NRL: variants seen among roughly 807,000 people sequenced by gnomAD.
NRL encodes the protein neural retina-specific leucine zipper protein.
A neutral mutation model predicts 12.5 loss-of-function variants in NRL; 16 were observed. The observed-to-expected ratio is 1.28, with a 90% CI of 0.87 to 1.95. The LOEUF (loss-of-function observed/expected upper bound fraction) is 1.95. NRL is among the 30% of genes most tolerant of loss of function. The probability of loss-of-function intolerance (pLI) is 0.00; values close to 1 mark genes in which losing one functional copy is unlikely to be tolerated. For synonymous variants in NRL, 142 were observed against 150.9 expected, an observed-to-expected ratio of 0.94 and a Z score of 0.43; for missense variants, 314 against 325.8, an observed-to-expected ratio of 0.96 and a Z score of 0.28.
At chr14:24,088,200 C>G (rs2036511938) in intron 1 of NRL, among the ~76,000 whole-genome samples, 1 of 152,224 alleles carries the variant, frequency 6.6e-6, no homozygotes, top group Admixed American at 6.5e-5. Flanking sequence ...GGACCACACT[C>G]CAGATAGCTA....
At chr14:24,089,509 G>C (rs879743065) in intron 1 of NRL, among the ~76,000 whole-genome samples, 1 of 152,176 alleles carries the variant, frequency 6.6e-6, no homozygotes, top group Non-Finnish European at 1.5e-5. Context: ...GCCTCCCAAA[G>C]TGCTGGGATT....
At chr14:24,111,528 C>G (rs1020704247) in intron 1 of NRL, among the ~76,000 whole-genome samples, 1 of 149,664 alleles carries the variant, frequency 6.7e-6, no homozygotes, top group Non-Finnish European at 1.5e-5. Context: ...CGCATGCCAC[C>G]ACACTCGGCT....
rs139733386 is a variant in NRL, at chr14:24,103,782, G to A, written c.-28+10940C>T. ...CATTGGGCTGGTGCCAAAGGAAGGA[G>A]CCTTGGATCTCAGCGGCCTCAGAGC... On this transcript the variant is annotated intron_variant, in intron 1 of 2. Transcript: ENST00000561028. 1,114 of 1,614,178 alleles carry A rather than the reference G, an allele frequency of 6.9e-4. 8 individuals are homozygous for A. Among genetic ancestry groups the A allele is most frequent in the Middle Eastern group, 3.3e-4 (2 of 6,062 alleles).
At position 24,080,101 on chromosome 14, in the gene NRL, C is replaced by G. The variant is rs1367564177; in HGVS notation, c.*1135G>C. On this transcript the variant is annotated 3_prime_UTR_variant, in exon 3 of 3. Coordinates refer to ENST00000561028, the MANE Select transcript of NRL (RefSeq NM_001354768.3). Reference sequence around the variant, plus strand: ...CAGACACACAAACAGTAGCCTGAAGCAGGGATAAAGAATGAACACTTCTTA... The same window carrying G: ...CAGACACACAAACAGTAGCCTGAAGGAGGGATAAAGAATGAACACTTCTTA... The G allele has an allele frequency of 6.6e-6, 1 of 152,252 alleles. No individual in the cohort carries two copies. The highest frequency in any genetic ancestry group is 1.5e-5 in the Non-Finnish European group (1 of 68,052). 9.4% of individuals were successfully genotyped at this position (152,252 alleles called of 1,614,324 possible). A position where few individuals can be genotyped will look rare whatever the true frequency, so the allele number is the denominator to read the frequency against.
intron 1 of NRL, among the ~76,000 whole-genome samples, chr14:24,084,269 T>A (rs771070347): frequency 2.6e-5 from 4 of 152,012 alleles, no homozygotes; most frequent in Admixed American, 6.6e-5. Context: ...AGGAACTGGG[T>A]CTTGGCAGAA....
chr14:24,108,718 T>A (rs1422017184), intron 1 of NRL, among the ~76,000 whole-genome samples: 3 of 151,818 alleles, frequency 2.0e-5, no homozygotes, highest in South Asian at 2.1e-4. Context: ...GACATGAGAG[T>A]ATTAGAACAT....
chr14:24,111,135 G>A (rs929345298), intron 1 of NRL, among the ~76,000 whole-genome samples: 3 of 151,986 alleles, frequency 2.0e-5, no homozygotes, highest in East Asian at 1.9e-4. Context: ...CACGCGCCAC[G>A]ATGGCCGGCT....
chr14:24,099,841 A>T (rs753234641), intron 1 of NRL: 3 of 1,527,742 alleles, frequency 2.0e-6, no homozygotes, highest in Non-Finnish European at 2.7e-6. Context: ...ACCCTGCTCC[A>T]TTCCTCTGGC....
intron 1 of NRL, 99 bp from the exon 2 acceptor site, chr14:24,082,974 G>A: frequency 1.6e-6 from 2 of 1,214,774 alleles, no homozygotes; most frequent in Non-Finnish European, 2.3e-6. Context: ...CCTGGAGCAA[G>A]AGTTTGGGAA....
At position 24,094,401 on chromosome 14, in the gene NRL, G is replaced by A; in HGVS notation, c.-27-11526C>T. The A allele has an allele frequency of 6.4e-7, 1 of 1,557,302 alleles. No individual in the cohort carries two copies. The highest frequency in any genetic ancestry group is 8.7e-7 in the Non-Finnish European group (1 of 1,155,984). ...TGGCCACCCCGCAGCCCCTGCCCAG[G>A]TGCCATGGCCGCATTGTACCGCCCT... is the stretch of plus-strand genomic sequence containing the variant. On this transcript the variant is annotated intron_variant, in intron 1 of 2. Coordinates refer to ENST00000561028, the MANE Select transcript of NRL (RefSeq NM_001354768.3). The surrounding 1 kb of genome is among the most constrained non-coding windows in gnomAD (Gnocchi z 4.1).
intron 1 of NRL, among the ~76,000 whole-genome samples, chr14:24,101,543 G>C (rs921258042): frequency 6.6e-6 from 1 of 152,202 alleles, no homozygotes; most frequent in African/African-American, 2.4e-5. Context: ...CTACCCATGT[G>C]ATATCCCTAT....
chr14:24,111,023 C>T (rs2037410108), intron 1 of NRL, among the ~76,000 whole-genome samples: 2 of 152,230 alleles, frequency 1.3e-5, no homozygotes, highest in African/African-American at 4.8e-5. Context: ...AGCTCTATCC[C>T]CAGGCTGGAG....
At chr14:24,104,071 G>A (rs947642732) in intron 1 of NRL, 2 of 709,792 alleles carry the variant, frequency 2.8e-6, no homozygotes, top group Middle Eastern at 4.8e-4. Context: ...TCTTCAATGT[G>A]CCATAGACCT....
chr14:24,095,348 G>C lies in NRL; in HGVS notation c.-27-12473C>G, dbSNP rs1005714685. The C allele has an allele frequency of 9.8e-5, 41 of 416,262 alleles. 1 individual carries two copies. The highest frequency in any genetic ancestry group is 7.3e-4 in the African/African-American group (36 of 49,052). The allele number at this position is 416,262 out of a possible 1,614,324, so 25.8% of individuals were successfully genotyped here. On this transcript the variant is annotated intron_variant, in intron 1 of 2. Coordinates refer to ENST00000561028, the MANE Select transcript of NRL (RefSeq NM_001354768.3). ...GTGCTTGAAAACTGATGCTCACGGAGAACTTCCCTCTGAGGCAGGAACAGA... is the reference window on the plus strand; with the variant it reads ...GTGCTTGAAAACTGATGCTCACGGACAACTTCCCTCTGAGGCAGGAACAGA...
intron 1 of NRL, among the ~76,000 whole-genome samples, chr14:24,089,626 T>C (rs2036561995): frequency 6.6e-6 from 1 of 152,184 alleles, no homozygotes; most frequent in South Asian, 2.1e-4. Flanking sequence ...TAGAGATGTG[T>C]CTACATAAAA....
At chr14:24,084,532 C>T (rs376051920) in intron 1 of NRL, 4 of 985,250 alleles carry the variant, frequency 4.1e-6, no homozygotes, top group East Asian at 1.1e-4. Context: ...CAGAAATGGC[C>T]GAGAGGATGT....
At chr14:24,091,141 G>A (rs2138902676) in intron 1 of NRL, among the ~76,000 whole-genome samples, 1 of 151,702 alleles carries the variant, frequency 6.6e-6, no homozygotes, top group East Asian at 1.9e-4. Context: ...GTGTGTGTGT[G>A]TGTGTGTGTG....
Position 24,103,833 on chromosome 14 carries a change from C to A in NRL, c.-28+10889G>T, listed in dbSNP as rs747111120. 2 of 1,614,010 alleles carry A rather than the reference C, an allele frequency of 1.2e-6. No homozygotes were observed. The highest frequency in any genetic ancestry group is 3.3e-5 in the Admixed American group (2 of 59,996). ...TATAGACACCACTCAGCTGTTCTCC[C>A]TCCCCAAGGACTTCTGGGAACAGGA... On this transcript the variant is annotated intron_variant, in intron 1 of 2. Coordinates refer to ENST00000561028, the MANE Select transcript of NRL (RefSeq NM_001354768.3).
intron 1 of NRL, 158 bp downstream of exon 1, chr14:24,114,564 T>G: frequency 3.4e-6 from 2 of 583,092 alleles, no homozygotes; most frequent in South Asian, 1.5e-4. Context: ...AAACGTTTCT[T>G]TTTTAAGCCC....
Sources: allele counts gnomAD v4.1 joint callset (sites outside exome capture counted in the v4.1 genomes callset), GRCh38; gene constraint gnomAD v4.1.1; non-coding constraint Gnocchi (gnomAD v3.1); transcripts MANE v1.5; gene names NCBI Gene and HGNC (gene_info 2026-07-23, HGNC 2026-07-21).